Variants in MDM2 observed in about 807,000 individuals in gnomAD.
The protein encoded by MDM2 is E3 ubiquitin-protein ligase Mdm2.
A neutral mutation model predicts 64.3 loss-of-function variants in MDM2; 11 were observed. The observed-to-expected ratio is 0.17, with a 90% CI of 0.11 to 0.28. The LOEUF (loss-of-function observed/expected upper bound fraction) is 0.28, where lower values mean the gene tolerates loss of function less well. Among genes scored for constraint, MDM2 ranks in the 10% least tolerant of loss-of-function variants. MDM2 has a pLI of 1.00. For synonymous variants in MDM2, 194 were observed against 192.9 expected (o/e 1.01, Z -0.05); for missense variants, 388 against 577.1 (o/e 0.67, Z 3.36).
intron 2 of MDM2, among the ~76,000 whole-genome samples, chr12:68,812,841 AT>A (rs1004741162): frequency 3.3e-5 from 5 of 152,140 alleles, no homozygotes; most frequent in African/African-American, 1.2e-4. Flanking sequence ...GGATAGAACC[AT>A]TTGTATGAAA....
intron 10 of MDM2, among the ~76,000 whole-genome samples, chr12:68,838,354 T>C (rs3730649): frequency 0.091 from 13,874 of 152,144 alleles, 2,127 homozygotes; most frequent in African/African-American, 0.32. Flanking sequence ...CCAAATTGCA[T>C]GGTGGAAAGG....
chr12:68,836,262 A>G (rs984154662), intron 9 of MDM2, among the ~76,000 whole-genome samples: 7 of 152,174 alleles, frequency 4.6e-5, no homozygotes, highest in Admixed American at 3.3e-4. Context: ...ATATAATTCA[A>G]CTACTGTTTT....
At chr12:68,820,116 AATT>A (rs1565736444) in intron 4 of MDM2, among the ~76,000 whole-genome samples, 1 of 152,196 alleles carries the variant, frequency 6.6e-6, no homozygotes, top group Non-Finnish European at 1.5e-5. Context: ...AGACTTTAGT[AATT>A]ATTAAAAGTA....
At chr12:68,837,949 A>G (rs1804133820) in intron 10 of MDM2, among the ~76,000 whole-genome samples, 1 of 152,244 alleles carries the variant, frequency 6.6e-6, no homozygotes, top group South Asian at 2.1e-4. Flanking sequence ...TAGAAAATAA[A>G]TAACTAATTG....
At chr12:68,818,049 C>T (rs1881538209) in intron 4 of MDM2, among the ~76,000 whole-genome samples, 1 of 152,150 alleles carries the variant, frequency 6.6e-6, no homozygotes, top group Non-Finnish European at 1.5e-5. Context: ...CTGCCATGGC[C>T]TCCCAAAGTG....
chr12:68,847,114 A>G (rs1473931960), downstream of MDM2: 4 of 144,488 alleles, frequency 2.8e-5, no homozygotes, highest in African/African-American at 5.2e-5. Flanking sequence ...ATGCCTGGCT[A>G]ATATATATAT....
At chr12:68,809,359 G>A (rs1880658996) in intron 2 of MDM2, 67 bp downstream of exon 2, 11 of 1,364,830 alleles carry the variant, frequency 8.1e-6, no homozygotes, top group South Asian at 1.2e-5. Flanking sequence ...ACTAAATTTC[G>A]TATACCTCAA....
At chr12:68,834,194 G>C (rs887399264) in intron 8 of MDM2, among the ~76,000 whole-genome samples, 1 of 152,052 alleles carries the variant, frequency 6.6e-6, no homozygotes, top group African/African-American at 2.4e-5. Flanking sequence ...TGTAATCCCA[G>C]CATTTTGGGA....
rs962581315 is a variant in MDM2 at position 68,844,523 on chromosome 12, G to A, written c.*4674G>A. 1 of 228,790 alleles carries A rather than the reference G, an allele frequency of 4.4e-6. No homozygotes were observed. Among genetic ancestry groups the A allele is most frequent in the East Asian group, 6.2e-5 (1 of 16,088 alleles). 14.2% of individuals were successfully genotyped at this position (228,790 alleles called of 1,614,324 possible). On this transcript the variant is annotated 3_prime_UTR_variant, in exon 11 of 11. Coordinates refer to ENST00000258149, the MANE Select transcript of MDM2 (RefSeq NM_002392.6). ...GGGACAGGGAGGGGAGTTTGGGCTA[G>A]CCACCGTACCACTTGTCAGCGTGAA... is the stretch of plus-strand genomic sequence containing the variant.
chr12:68,824,126 A>G, intron 5 of MDM2: 1 of 452,296 alleles, frequency 2.2e-6, no homozygotes, highest in Non-Finnish European at 3.8e-6. Flanking sequence ...CTGCTAATTT[A>G]TCTAACAGTC....
chr12:68,815,595 C>A, intron 3 of MDM2: 2 of 405,348 alleles, frequency 4.9e-6, no homozygotes, highest in South Asian at 3.6e-5. Flanking sequence ...GCTTGTACCA[C>A]TATGCCTGGC....
In MDM2 at chr12:68,833,670, C is replaced by T. The variant is rs554229551; in HGVS notation, c.685-2159C>T. On this transcript the variant is annotated intron_variant, in intron 8 of 10. Coordinates refer to ENST00000258149, the MANE Select transcript of MDM2 (RefSeq NM_002392.6). ...TCTGTCACAGCTACTCAGCCCCGCT[C>T]TTGTAATGCAGGAGCAACTGTAGAC... 2.0e-5 allele frequency among the ~76,000 whole-genome samples: 3 copies of T among 152,052 alleles called. No homozygotes were observed. The East Asian group carries it at 5.8e-4, about 29-fold the overall frequency.
intron 9 of MDM2, among the ~76,000 whole-genome samples, chr12:68,836,241 C>CT (rs1883301130): frequency 6.6e-6 from 1 of 152,088 alleles, no homozygotes; most frequent in Non-Finnish European, 1.5e-5. Context: ...GGTCTGTTCA[C>CT]TTTTAAAAAC....
intron 3 of MDM2, among the ~76,000 whole-genome samples, chr12:68,816,016 T>G (rs1881338186): frequency 6.6e-6 from 1 of 152,198 alleles, no homozygotes; most frequent in South Asian, 2.1e-4. Context: ...TTTATTTCAT[T>G]CTCAGAATTC....
chr12:68,808,932 C>G (rs1286120661), intron 1 of MDM2: 2 of 1,373,744 alleles, frequency 1.5e-6, no homozygotes, highest in African/African-American at 2.9e-5. Flanking sequence ...TGGTCAAGTT[C>G]AGACACGTTC....
intron 7 of MDM2, 160 bp downstream of exon 7, chr12:68,824,811 T>C: frequency 1.7e-6 from 1 of 604,010 alleles, no homozygotes; most frequent in Non-Finnish European, 2.9e-6. Context: ...GATTTACAAA[T>C]TGCTTATTTA....
chr12:68,833,265 T>TATAAATA (rs1882984281), intron 8 of MDM2, among the ~76,000 whole-genome samples: 5 of 52,514 alleles, frequency 9.5e-5, no homozygotes, highest in African/African-American at 3.6e-4. Flanking sequence ...ATTTATATAA[T>TATAAATA]TATATATTTA....
intron 3 of MDM2, 39 bp from the exon 4 acceptor site, chr12:68,816,772 TA>T: frequency 6.6e-7 from 1 of 1,514,498 alleles, no homozygotes; most frequent in African/African-American, 1.4e-5. Flanking sequence ...AACTAACATT[TA>T]GTTTTCTTTA....
chr12:68,835,894 G>A lies in MDM2; in HGVS notation c.750G>A (p.Gln250=). ...TGGATCAGGATTCAGTTTCAGATCA[G>A]TTTAGTGTAGAATTTGAAGTTGAAT... is the stretch of plus-strand genomic sequence containing the variant. ...DWLDQDSVSD[Q]FSVEFEVESL... Residue 250 remains glutamine, a synonymous_variant, in exon 9 of 11, where the codon CAG becomes CAA. Transcript: ENST00000258149. The A allele has an allele frequency of 1.9e-6, 3 of 1,613,780 alleles. No individual in the cohort carries two copies. The Middle Eastern group carries it at 5.0e-4, about 266-fold the overall frequency.
Sources: allele counts gnomAD v4.1 joint callset (sites outside exome capture counted in the v4.1 genomes callset), GRCh38; gene constraint gnomAD v4.1.1; transcripts MANE v1.5; gene names NCBI Gene and HGNC (gene_info 2026-07-23, HGNC 2026-07-21).